EYA1: variants seen among roughly 807,000 people sequenced by gnomAD.
EYA1 encodes protein phosphatase EYA1.
A neutral mutation model predicts 82.0 loss-of-function variants in EYA1; 16 were observed. The observed-to-expected ratio is 0.20, with a 90% CI of 0.13 to 0.30. The LOEUF is 0.30. EYA1 is among the 10% of genes least tolerant of loss of function. The probability of loss-of-function intolerance (pLI) is 1.00; values close to 1 mark genes in which losing one functional copy is unlikely to be tolerated. For synonymous variants in EYA1, 261 were observed against 264.4 expected (o/e 0.99, Z 0.12); for missense variants, 633 against 730.7 (o/e 0.87, Z 1.54).
chr8:71,213,183 A>G (rs1310617560), intron 16 of EYA1, among the ~76,000 whole-genome samples: 1 of 152,220 alleles, frequency 6.6e-6, no homozygotes, highest in Non-Finnish European at 1.5e-5. Flanking sequence ...AAAAAAAATA[A>G]AGCTTAATAT....
intron 2 of EYA1, among the ~76,000 whole-genome samples, chr8:71,473,319 T>C (rs1330733740): frequency 7.1e-6 from 1 of 141,606 alleles, no homozygotes; most frequent in Non-Finnish European, 1.5e-5. Context: ...AAAGGGCTAA[T>C]ATCCAGAATC....
chr8:71,294,127 C>G (rs1698974733), intron 9 of EYA1, among the ~76,000 whole-genome samples: 1 of 152,010 alleles, frequency 6.6e-6, no homozygotes, highest in Non-Finnish European at 1.5e-5. Flanking sequence ...AGTCAAATGC[C>G]TTCCTATATA....
chr8:71,326,510 C>G (rs1355650179), intron 4 of EYA1, among the ~76,000 whole-genome samples: 2 of 152,216 alleles, frequency 1.3e-5, no homozygotes, highest in Non-Finnish European at 2.9e-5. Context: ...GAACAAGGGC[C>G]TAGCTGTTAA....
chr8:71,462,222 A>G (rs1808413716), intron 2 of EYA1, among the ~76,000 whole-genome samples: 1 of 152,114 alleles, frequency 6.6e-6, no homozygotes, highest in Non-Finnish European at 1.5e-5. Flanking sequence ...GCAGGCCAGT[A>G]TTTGAGCTGT....
chr8:71,199,458 C>T (rs1806653689), intron 17 of EYA1, 38 bp from the exon 18 acceptor site: 1 of 1,504,154 alleles, frequency 6.6e-7, no homozygotes, highest in African/African-American at 1.4e-5. Flanking sequence ...GGACAGAGCA[C>T]CCAGCGCCAG....
chr8:71,454,891 C>T (rs1312285172), intron 2 of EYA1, among the ~76,000 whole-genome samples: 1 of 152,144 alleles, frequency 6.6e-6, no homozygotes, highest in African/African-American at 2.4e-5. Flanking sequence ...CATTCAAAAG[C>T]TAGCAGAAGG....
intron 2 of EYA1, among the ~76,000 whole-genome samples, chr8:71,413,433 T>A (rs553429842): frequency 6.6e-6 from 1 of 152,340 alleles, no homozygotes; most frequent in South Asian, 2.1e-4. Context: ...TTAGCCTTTT[T>A]TAAATCAGAA....
At chr8:71,367,677 A>T (rs1827836292) in intron 2 of EYA1, among the ~76,000 whole-genome samples, 1 of 152,204 alleles carries the variant, frequency 6.6e-6, no homozygotes, top group African/African-American at 2.4e-5. Flanking sequence ...AACCAGAAGC[A>T]CCATTATTCT....
chr8:71,211,054 T>A, intron 17 of EYA1, 102 bp downstream of exon 17: 1 of 794,434 alleles, frequency 1.3e-6, no homozygotes, highest in Non-Finnish European at 2.3e-6. Flanking sequence ...CACATATTCA[T>A]CACGTTTCAC....
intron 2 of EYA1, among the ~76,000 whole-genome samples, chr8:71,391,251 G>A (rs925934691): frequency 2.6e-5 from 4 of 152,160 alleles, no homozygotes; most frequent in South Asian, 2.1e-4. Flanking sequence ...CCAAAGTGCT[G>A]GGATTACAGG....
In EYA1 at chr8:71,261,802, C is replaced by A. The variant is rs1428054129; in HGVS notation, c.1050+7938G>T. Among the ~76,000 whole-genome samples the A allele has an allele frequency of 2.6e-5, 4 of 152,324 alleles. No homozygotes were observed. In the East Asian group the frequency reaches 7.7e-4, roughly 29 times the overall value. On this transcript the variant is annotated intron_variant, in intron 11 of 17. Transcript: ENST00000340726. ...ATGGGGTGCTAAGGGAAAGGCTAAACAGCTAAATCCAGTCGAAAGACCTAT... is the reference window on the plus strand; with the variant it reads ...ATGGGGTGCTAAGGGAAAGGCTAAAAAGCTAAATCCAGTCGAAAGACCTAT...
chr8:71,263,542 C>A (rs1815396095), intron 11 of EYA1, among the ~76,000 whole-genome samples: 1 of 152,090 alleles, frequency 6.6e-6, no homozygotes, highest in Non-Finnish European at 1.5e-5. Flanking sequence ...TCCTTGGGGC[C>A]CCAGGCGCAT....
rs556747142 is a variant in EYA1, at chr8:71,536,668, T to C, written c.-72-820A>G. 1.3e-3 allele frequency among the ~76,000 whole-genome samples: 194 copies of C among 152,338 alleles called. 1 individual carries two copies. Among genetic ancestry groups the C allele is most frequent in the Non-Finnish European group, 1.5e-3 (101 of 68,032 alleles). ...ATTCTACCTCTCACATAAACACTAA[T>C]GCAGCACATGTAATTTTAAGCAAAA... On this transcript the variant is annotated intron_variant, in intron 1 of 18. Coordinates refer to the EYA1 transcript ENST00000643681.
intron 2 of EYA1, among the ~76,000 whole-genome samples, chr8:71,387,538 G>A (rs1315615311): frequency 6.6e-6 from 1 of 152,110 alleles, no homozygotes; most frequent in Non-Finnish European, 1.5e-5. Flanking sequence ...GGAGAGATCT[G>A]AAAAACATTT....
intron 2 of EYA1, among the ~76,000 whole-genome samples, chr8:71,402,964 TA>T (rs1830034587): frequency 6.6e-6 from 1 of 152,188 alleles, no homozygotes; most frequent in Admixed American, 6.5e-5. Context: ...ACTTCAAGCA[TA>T]AATGATAAAA....
chr8:71,466,589 A>G (rs1808785833), intron 2 of EYA1, among the ~76,000 whole-genome samples: 1 of 152,112 alleles, frequency 6.6e-6, no homozygotes. Flanking sequence ...GTGTAGAGAT[A>G]TAATCGTTAA....
chr8:71,527,752 C>T (rs1272246173), intron 2 of EYA1, among the ~76,000 whole-genome samples: 1 of 152,156 alleles, frequency 6.6e-6, no homozygotes, highest in Non-Finnish European at 1.5e-5. Flanking sequence ...CATGCATTAA[C>T]ATTATCCTGG....
At chr8:71,394,084 T>A (rs1473159864) in intron 2 of EYA1, among the ~76,000 whole-genome samples, 2 of 152,250 alleles carry the variant, frequency 1.3e-5, no homozygotes, top group Non-Finnish European at 2.9e-5. Flanking sequence ...TGCATAAATG[T>A]CTTCTTTTGA....
rs186264904 is a variant in EYA1 at position 71,487,555 on chromosome 8, A to G, written c.33+48189T>C. On this transcript the variant is annotated intron_variant, in intron 2 of 18. Transcript: ENST00000643681. Reference sequence around the variant, plus strand: ...GCAACCCTCTTTACTGCCTAACTCTACCAAAAGCTCAAGATCTTTTGTCCA... The same window carrying G: ...GCAACCCTCTTTACTGCCTAACTCTGCCAAAAGCTCAAGATCTTTTGTCCA... 4.9e-3 allele frequency among the ~76,000 whole-genome samples: 751 copies of G among 152,306 alleles called. 33 individuals are homozygous for G. The highest frequency in any genetic ancestry group is 0.046 in the Admixed American group (706 of 15,304).
Sources: allele counts gnomAD v4.1 joint callset (sites outside exome capture counted in the v4.1 genomes callset), GRCh38; gene constraint gnomAD v4.1.1; transcripts MANE v1.5; gene names NCBI Gene and HGNC (gene_info 2026-07-23, HGNC 2026-07-21).